SPECC1: variants seen among roughly 807,000 people sequenced by gnomAD.
SPECC1 encodes cytospin-B.
A neutral mutation model predicts 104.1 loss-of-function variants in SPECC1; 62 were observed. That is an observed-to-expected ratio of 0.60 (90% CI 0.49 to 0.74). The LOEUF is 0.74. SPECC1 is among the 30% of genes least tolerant of loss of function. SPECC1 has a pLI of 0.00. For synonymous variants in SPECC1, 513 were observed against 501.6 expected, an observed-to-expected ratio of 1.02 and a Z score of -0.30; for missense variants, 1,306 against 1,310.5, an observed-to-expected ratio of 1.00 and a Z score of 0.05.
At chr17:20,237,978 G>T (rs113198159) in intron 7 of SPECC1, 6 of 972,648 alleles carry the variant, frequency 6.2e-6, no homozygotes, top group African/African-American at 5.2e-5. Flanking sequence ...CTGACCTCAA[G>T]TGATCTGGCC....
At chr17:20,175,957 AG>A (rs2034445005) in intron 3 of SPECC1, among the ~76,000 whole-genome samples, 1 of 152,252 alleles carries the variant, frequency 6.6e-6, no homozygotes, top group South Asian at 2.1e-4. Flanking sequence ...TTGAGTAGAG[AG>A]TATTTTTTAA....
At chr17:20,210,320 G>C (rs564573160) in intron 4 of SPECC1, among the ~76,000 whole-genome samples, 1 of 152,086 alleles carries the variant, frequency 6.6e-6, no homozygotes, top group South Asian at 2.1e-4. Context: ...CCTCCACCCC[G>C]GCCCCAAGGG....
At chr17:20,310,611 G>A (rs1247659504) in intron 14 of SPECC1, among the ~76,000 whole-genome samples, 1 of 152,210 alleles carries the variant, frequency 6.6e-6, no homozygotes, top group Non-Finnish European at 1.5e-5. Flanking sequence ...CATAAAAACG[G>A]CCAAAACATG....
chr17:20,210,941 T>G (rs1293894859), intron 4 of SPECC1, among the ~76,000 whole-genome samples: 1 of 152,236 alleles, frequency 6.6e-6, no homozygotes, highest in Non-Finnish European at 1.5e-5. Context: ...CATTGACCAT[T>G]ACCTGGTCCC....
chr17:20,016,345 C>G (rs761537541), intron 1 of SPECC1, among the ~76,000 whole-genome samples: 1 of 152,216 alleles, frequency 6.6e-6, no homozygotes, highest in Non-Finnish European at 1.5e-5. Context: ...CCTCCTCAGC[C>G]TTAGTGCCCA....
At chr17:20,264,256 T>C (rs1377036808) in intron 12 of SPECC1, among the ~76,000 whole-genome samples, 4 of 152,062 alleles carry the variant, frequency 2.6e-5, no homozygotes, top group Admixed American at 2.0e-4. Context: ...GCTTTAGTTA[T>C]AGATTCAGGG....
chr17:20,076,812 C>A (rs971161820), intron 1 of SPECC1, among the ~76,000 whole-genome samples: 4 of 152,088 alleles, frequency 2.6e-5, no homozygotes, highest in Admixed American at 6.6e-5. Context: ...TTCATCCATT[C>A]CACCAGCTGA....
intron 1 of SPECC1, among the ~76,000 whole-genome samples, chr17:20,086,529 G>GTT (rs1404036774): frequency 2.0e-5 from 3 of 152,176 alleles, no homozygotes; most frequent in African/African-American, 4.8e-5. Flanking sequence ...GGCTTCTCTT[G>GTT]TTGGGTCCCA....
chr17:20,065,275 A>G (rs1567821066), intron 1 of SPECC1, among the ~76,000 whole-genome samples: 1 of 152,190 alleles, frequency 6.6e-6, no homozygotes, highest in Non-Finnish European at 1.5e-5. Flanking sequence ...TGGAGAGAGC[A>G]TCAGATCCCA....
In SPECC1 at chr17:20,236,933, C is replaced by G. The variant is rs769637797; in HGVS notation, c.2351+4528C>G. ...CCCAGCTCTTGCCATGATTGGGAGC[C>G]GCAGCCATCTCTAGATGAAAGGGGG... On this transcript the variant is annotated intron_variant, in intron 7 of 14. Transcript: ENST00000395527. The G allele has an allele frequency of 2.5e-6, 4 of 1,613,102 alleles. No individual in the cohort carries two copies. The South Asian group carries it at 4.4e-5, about 18-fold the overall frequency.
chr17:20,295,899 C>T (rs1175345478), intron 12 of SPECC1, among the ~76,000 whole-genome samples: 1 of 152,058 alleles, frequency 6.6e-6, no homozygotes, highest in Non-Finnish European at 1.5e-5. Context: ...TGTTTAAGTT[C>T]TTTGTAGGTT....
intron 1 of SPECC1, among the ~76,000 whole-genome samples, chr17:20,059,933 C>T (rs530976084): frequency 3.3e-5 from 5 of 152,146 alleles, no homozygotes; most frequent in South Asian, 2.1e-4. Flanking sequence ...AGGTTTCATT[C>T]GGCAGCAAGT....
At chr17:20,165,330 A>C (rs1189640399) in intron 3 of SPECC1, among the ~76,000 whole-genome samples, 1 of 151,454 alleles carries the variant, frequency 6.6e-6, no homozygotes, top group East Asian at 1.9e-4. Context: ...TTCCTGTGTT[A>C]GTTTGCTGAG....
intron 14 of SPECC1, among the ~76,000 whole-genome samples, chr17:20,313,540 C>T (rs887498618): frequency 6.6e-6 from 1 of 152,186 alleles, no homozygotes; most frequent in African/African-American, 2.4e-5. Flanking sequence ...CACAGCAGCA[C>T]GGGGACCCGG....
chr17:20,222,752 C>T (rs2037962827), intron 4 of SPECC1, among the ~76,000 whole-genome samples: 2 of 152,052 alleles, frequency 1.3e-5, no homozygotes, highest in Admixed American at 1.3e-4. Flanking sequence ...TGTTAATGTC[C>T]TTTTCTTTCA....
chr17:20,074,559 A>G (rs2046682931), intron 1 of SPECC1, among the ~76,000 whole-genome samples: 1 of 152,188 alleles, frequency 6.6e-6, no homozygotes, highest in Non-Finnish European at 1.5e-5. Context: ...CAGAAGGTCC[A>G]CACTAAGTTT....
intron 1 of SPECC1, among the ~76,000 whole-genome samples, chr17:20,039,788 C>T (rs988176741): frequency 2.0e-5 from 3 of 152,096 alleles, no homozygotes; most frequent in African/African-American, 7.2e-5. Context: ...AACTCCTGAC[C>T]TCAGGTGATC....
At position 20,311,246 on chromosome 17, in the gene SPECC1, A is replaced by G. The variant is rs147486922; in HGVS notation, c.3118-2730A>G. 1.5e-3 allele frequency among the ~76,000 whole-genome samples: 223 copies of G among 152,188 alleles called. 1 individual carries two copies. The highest frequency in any genetic ancestry group is 2.5e-3 in the Non-Finnish European group (173 of 68,016). On this transcript the variant is annotated intron_variant, in intron 14 of 14. Transcript: ENST00000395527. Reference sequence around the variant, plus strand: ...GAGACTTAGCTAAACCTGCATGTAAATGCTTTGGGATTTTTCTAAACAATC... The same window carrying G: ...GAGACTTAGCTAAACCTGCATGTAAGTGCTTTGGGATTTTTCTAAACAATC...
intron 1 of SPECC1, among the ~76,000 whole-genome samples, chr17:20,087,553 G>A (rs1441309295): frequency 1.3e-5 from 2 of 152,202 alleles, no homozygotes; most frequent in Non-Finnish European, 2.9e-5. Context: ...GCTCCTGCCT[G>A]CTGGGACTGT....
Sources: allele counts gnomAD v4.1 joint callset (sites outside exome capture counted in the v4.1 genomes callset), GRCh38; gene constraint gnomAD v4.1.1; transcripts MANE v1.5; gene names NCBI Gene and HGNC (gene_info 2026-07-23, HGNC 2026-07-21).